Variants in IQSEC1 observed in about 807,000 individuals in gnomAD.
IQSEC1 encodes IQ motif and SEC7 domain-containing protein 1.
IQSEC1 carries 31 observed loss-of-function variants against 91.0 expected under a neutral mutation model. The ratio of observed to expected loss-of-function variants is 0.34; its 90% CI spans 0.26 to 0.46. The LOEUF is 0.46. IQSEC1 is among the 20% of genes least tolerant of loss of function. The pLI is 1.00. For missense variants in IQSEC1, 1,388 were observed against 1,575.6 expected, an observed-to-expected ratio of 0.88 and a Z score of 2.02; for synonymous variants, 699 against 662.6, an observed-to-expected ratio of 1.05 and a Z score of -0.84.
At chr3:13,065,923 A>G (rs1705215208) in intron 1 of IQSEC1, among the ~76,000 whole-genome samples, 1 of 152,130 alleles carries the variant, frequency 6.6e-6, no homozygotes, top group Non-Finnish European at 1.5e-5. Flanking sequence ...AGTTCTGCCC[A>G]TTGCCGCAGC....
At chr3:13,014,615 G>C (rs552781201) in intron 1 of IQSEC1, among the ~76,000 whole-genome samples, 2 of 152,270 alleles carry the variant, frequency 1.3e-5, no homozygotes, top group East Asian at 3.9e-4. Context: ...GGCTGGGGTG[G>C]GGGAGGCTTG....
rs575167706 is a variant in IQSEC1 at position 13,008,715 on chromosome 3, C to A, written c.23+64277G>T. ...ACGCTGGTGTCCTCACTGCTTTGAG[C>A]GGTGCTGGGCACACAGTCAATATTA... On this transcript the variant is annotated intron_variant, in intron 1 of 13. Coordinates refer to ENST00000613206, the MANE Select transcript of IQSEC1 (RefSeq NM_001134382.3). This position sits in a 1 kb window ranked among gnomAD's most constrained non-coding sequence, Gnocchi z 4.1. Among the ~76,000 whole-genome samples, 2 of 152,146 alleles carry A rather than the reference C, an allele frequency of 1.3e-5. No individual in the cohort carries two copies. Among genetic ancestry groups the A allele is most frequent in the African/African-American group, 2.4e-5 (1 of 41,422 alleles).
chr3:12,924,055 C>T lies in IQSEC1; in HGVS notation c.1730+526G>A, dbSNP rs571720154. 5.5e-3 allele frequency among the ~76,000 whole-genome samples: 843 copies of T among 152,232 alleles called. 6 individuals are homozygous for T. The highest frequency in any genetic ancestry group is 0.019 in the African/African-American group (803 of 41,536). On this transcript the variant is annotated intron_variant, in intron 4 of 13. Coordinates refer to ENST00000613206, the MANE Select transcript of IQSEC1 (RefSeq NM_001134382.3). This position sits in a 1 kb window ranked among gnomAD's most constrained non-coding sequence, Gnocchi z 6.3. ...CCGGGAGAATGAGGCAGGGGCAGAGCGTGGCACGGGCCGCCCACGGGGAGG... is the reference window on the plus strand; with the variant it reads ...CCGGGAGAATGAGGCAGGGGCAGAGTGTGGCACGGGCCGCCCACGGGGAGG...
At chr3:13,140,116 A>T (rs1706776185) in intron 2 of IQSEC1, among the ~76,000 whole-genome samples, 1 of 152,050 alleles carries the variant, frequency 6.6e-6, no homozygotes, top group Non-Finnish European at 1.5e-5. Context: ...GAAGATTCCA[A>T]TTCCTCCTTC....
chr3:12,906,539 C>G (rs1193250933), intron 12 of IQSEC1, among the ~76,000 whole-genome samples: 3 of 152,256 alleles, frequency 2.0e-5, no homozygotes, highest in Non-Finnish European at 4.4e-5. Context: ...TCCCTGAGAT[C>G]TGTTCCTCCT....
intron 1 of IQSEC1, among the ~76,000 whole-genome samples, chr3:13,036,988 C>T (rs1406469790): frequency 1.3e-5 from 2 of 152,162 alleles, no homozygotes; most frequent in African/African-American, 2.4e-5. Context: ...CTGTGGAGGG[C>T]CTGGAACTAC....
At chr3:13,040,013 C>T (rs756992526) in intron 1 of IQSEC1, among the ~76,000 whole-genome samples, 14 of 152,222 alleles carry the variant, frequency 9.2e-5, no homozygotes, top group South Asian at 6.2e-4. Flanking sequence ...GGCATTAGCG[C>T]GCAGAGTTGG....
chr3:12,991,249 T>C (rs998277909), intron 1 of IQSEC1, among the ~76,000 whole-genome samples: 3 of 152,146 alleles, frequency 2.0e-5, no homozygotes, highest in Non-Finnish European at 4.4e-5. Context: ...ATGAGGGTGA[T>C]GAAGGATGAA....
At position 13,004,603 on chromosome 3, in the gene IQSEC1, G is replaced by A. The variant is rs988658492; in HGVS notation, c.24-62738C>T. On this transcript the variant is annotated intron_variant, in intron 1 of 13. Transcript: ENST00000613206. ...CACAGCAAAGAGCTTTTGACCGCTG[G>A]GGCCCACAGGCTTCGAAAGGCCCAG... Among the ~76,000 whole-genome samples the A allele has an allele frequency of 2.0e-4, 30 of 152,164 alleles. 1 individual carries two copies. Among genetic ancestry groups the A allele is most frequent in the African/African-American group, 7.2e-4 (30 of 41,440 alleles).
At chr3:13,139,211 C>T (rs1644870004) in intron 2 of IQSEC1, among the ~76,000 whole-genome samples, 1 of 152,244 alleles carries the variant, frequency 6.6e-6, no homozygotes, top group South Asian at 2.1e-4. Flanking sequence ...TCCAGCATCA[C>T]TGCCTCCTTC....
intron 2 of IQSEC1, among the ~76,000 whole-genome samples, chr3:13,107,675 T>C (rs1055523607): frequency 2.6e-5 from 4 of 152,362 alleles, no homozygotes; most frequent in African/African-American, 9.6e-5. Context: ...CTATAACCTC[T>C]TCCCAGTGGG....
At chr3:13,257,503 T>C (rs910709943) in intron 1 of IQSEC1, among the ~76,000 whole-genome samples, 1 of 152,118 alleles carries the variant, frequency 6.6e-6, no homozygotes, top group Non-Finnish European at 1.5e-5. Context: ...TGGCTGGTGC[T>C]CATTGCACTG....
chr3:13,041,719 G>A (rs1056382945), intron 1 of IQSEC1, among the ~76,000 whole-genome samples: 1 of 152,154 alleles, frequency 6.6e-6, no homozygotes, highest in African/African-American at 2.4e-5. Flanking sequence ...GTCACCTCAG[G>A]GAGCAGTCCC....
At chr3:13,280,692 C>A (rs1695774195) in intron 1 of IQSEC1, among the ~76,000 whole-genome samples, 1 of 152,206 alleles carries the variant, frequency 6.6e-6, no homozygotes, top group South Asian at 2.1e-4. Flanking sequence ...GATGCAGACT[C>A]CAGCCCACCC....
intron 1 of IQSEC1, among the ~76,000 whole-genome samples, chr3:12,948,589 T>C (rs1699333833): frequency 1.3e-5 from 2 of 152,200 alleles, no homozygotes; most frequent in African/African-American, 4.8e-5. Context: ...CGGATGTCTC[T>C]AATTATGGCC....
At chr3:13,133,521 C>T (rs1706656376) in intron 2 of IQSEC1, among the ~76,000 whole-genome samples, 1 of 152,222 alleles carries the variant, frequency 6.6e-6, no homozygotes, top group Non-Finnish European at 1.5e-5. Flanking sequence ...TGCATTGGTC[C>T]TGAGGTCCAG....
intron 1 of IQSEC1, among the ~76,000 whole-genome samples, chr3:13,263,583 C>T (rs1695431972): frequency 6.6e-6 from 1 of 152,106 alleles, no homozygotes. Context: ...GCTGGGATTG[C>T]AGGCACGCGC....
At chr3:13,020,866 G>A (rs970448950) in intron 1 of IQSEC1, among the ~76,000 whole-genome samples, 3 of 152,078 alleles carry the variant, frequency 2.0e-5, no homozygotes, top group Admixed American at 1.3e-4. Context: ...TTTGTTGCAG[G>A]TATTTTCTGT....
chr3:12,937,684 C>G (rs892235404), intron 2 of IQSEC1, among the ~76,000 whole-genome samples: 1 of 152,216 alleles, frequency 6.6e-6, no homozygotes, highest in African/African-American at 2.4e-5. Flanking sequence ...GAGACAGAGG[C>G]CAAGGGCTGG....
Sources: allele counts gnomAD v4.1 joint callset (sites outside exome capture counted in the v4.1 genomes callset), GRCh38; gene constraint gnomAD v4.1.1; non-coding constraint Gnocchi (gnomAD v3.1); transcripts MANE v1.5; gene names NCBI Gene and HGNC (gene_info 2026-07-23, HGNC 2026-07-21).